SEC61A1: variants seen among roughly 807,000 people sequenced by gnomAD.
SEC61A1 encodes the protein protein transport protein Sec61 subunit alpha isoform 1.
Under a neutral mutation model 55.2 loss-of-function variants are expected in SEC61A1, and 15 were observed. The observed-to-expected ratio is 0.27, with a 90% confidence interval of 0.18 to 0.42. SEC61A1 has a LOEUF of 0.42. SEC61A1 is among the 10% of genes least tolerant of loss of function. The pLI, the probability that SEC61A1 is intolerant of heterozygous loss-of-function variation, is 1.00. For missense variants in SEC61A1, 284 were observed against 602.6 expected (o/e 0.47, Z 5.53); for synonymous variants, 247 against 234.0 (o/e 1.06, Z -0.51).
At chr3:128,062,108 C>G (rs775922461) in intron 7 of SEC61A1, among the ~76,000 whole-genome samples, 1 of 152,186 alleles carries the variant, frequency 6.6e-6, no homozygotes, top group Non-Finnish European at 1.5e-5. Context: ...GAGGCACTTT[C>G]AAGGTGGGGG....
upstream of SEC61A1, chr3:128,051,802 C>T: frequency 1.3e-6 from 2 of 1,533,308 alleles, no homozygotes; most frequent in Non-Finnish European, 1.7e-6. Flanking sequence ...GGCCCTTCTC[C>T]GGCCAAGTCT....
At position 128,067,696 on chromosome 3, in the gene SEC61A1, A is replaced by C; in HGVS notation, c.1167+84A>C. On this transcript the variant is annotated intron_variant, in intron 10 of 11. Transcript: ENST00000243253. The surrounding 1 kb of genome is among the most constrained non-coding windows in gnomAD (Gnocchi z 4.1). ...TGGACTTGTCACCTCATCATAAATAATGGTCTGTGACGTGTGCAGATAGAT... is the reference window on the plus strand; with the variant it reads ...TGGACTTGTCACCTCATCATAAATACTGGTCTGTGACGTGTGCAGATAGAT... 1 of 1,133,292 alleles carries C rather than the reference A, an allele frequency of 8.8e-7. No homozygotes were observed. Among genetic ancestry groups the C allele is most frequent in the Non-Finnish European group, 1.3e-6 (1 of 783,378 alleles). The allele number at this position is 1,133,292 out of a possible 1,614,324, so 70.2% of individuals were successfully genotyped here.
chr3:128,061,430 C>T (rs1941850029), intron 7 of SEC61A1, among the ~76,000 whole-genome samples: 1 of 152,172 alleles, frequency 6.6e-6, no homozygotes, highest in Non-Finnish European at 1.5e-5. Flanking sequence ...CATTTTTTGG[C>T]ACTAAATATC....
chr3:128,060,416 A>G, intron 6 of SEC61A1, 92 bp from the exon 7 acceptor site: 1 of 1,372,082 alleles, frequency 7.3e-7, no homozygotes, highest in South Asian at 1.3e-5. Flanking sequence ...TTCCGTCTTC[A>G]GCGTTTATAT....
Position 128,069,506 on chromosome 3 carries a change from G to T in SEC61A1, c.1275G>T (p.Gly425=), listed in dbSNP as rs1478381898. ...RYIPTAAAFG[G]LCIGALSVLA... ...TCCCCACAGCCGCGGCCTTTGGTGG[G>T]CTGTGCATCGGGGCCCTCTCGGTCC... Residue 425 remains glycine (G), a synonymous_variant, in exon 12 of 12, where the codon GGG becomes GGT. Coordinates refer to ENST00000243253, the MANE Select transcript of SEC61A1 (RefSeq NM_013336.4). 2 of 1,613,268 alleles carry T rather than the reference G, an allele frequency of 1.2e-6. No homozygotes were observed. The highest frequency in any genetic ancestry group is 2.2e-5 in the South Asian group (2 of 91,080).
rs1347140802 is a variant in SEC61A1, at chr3:128,065,935, G to A, written c.777+898G>A. Among the ~76,000 whole-genome samples, 3 of 151,592 alleles carry A rather than the reference G, an allele frequency of 2.0e-5. No individual in the cohort carries two copies. In the South Asian group the frequency reaches 6.2e-4, roughly 32 times the overall value. ...TTTTTTTTATTTTTAGTATAGACAG[G>A]GTTTCACCGTGTTAGCCAGGATGGT... On this transcript the variant is annotated intron_variant, in intron 8 of 11. Coordinates refer to ENST00000243253, the MANE Select transcript of SEC61A1 (RefSeq NM_013336.4).
At chr3:128,053,249 G>A (rs1941717229) in intron 2 of SEC61A1, among the ~76,000 whole-genome samples, 1 of 152,140 alleles carries the variant, frequency 6.6e-6, no homozygotes, top group South Asian at 2.1e-4. Context: ...CCTCCAACGG[G>A]AGCAGATCAC....
Position 128,067,837 on chromosome 3 carries a change from A to T in SEC61A1, c.1168-146A>T. The T allele has an allele frequency of 1.4e-6, 1 of 740,460 alleles. No individual in the cohort carries two copies. The highest frequency in any genetic ancestry group is 2.2e-5 in the Admixed American group (1 of 44,782). 45.9% of individuals were successfully genotyped at this position (740,460 alleles called of 1,614,324 possible). ...ACACTGTAAAGTTAGACTTTTTCAT[A>T]TGACTTCCTTGCGGCAGTTTTAAAG... On this transcript the variant is annotated intron_variant, in intron 10 of 11. Transcript: ENST00000243253. This position sits in a 1 kb window ranked among gnomAD's most constrained non-coding sequence, Gnocchi z 4.1.
rs769495174 is a variant in SEC61A1 at position 128,068,084 on chromosome 3, A to G, written c.1244+25A>G. The G allele has an allele frequency of 9.4e-6, 15 of 1,590,390 alleles. No homozygotes were observed. The South Asian group carries it at 1.4e-4, about 15-fold the overall frequency. On this transcript the variant is annotated intron_variant, in intron 11 of 11. Transcript: ENST00000243253. ...GGTGAGTGGTGGCCCCAGGTCCCCA[A>G]CCTCCCGTCTGTGGACATGTGTTGT...
chr3:128,069,820 T>C lies in SEC61A1; in HGVS notation c.*158T>C. On this transcript the variant is annotated 3_prime_UTR_variant, in exon 12 of 12. Coordinates refer to ENST00000243253, the MANE Select transcript of SEC61A1 (RefSeq NM_013336.4). ...GTGTAAAGTGCTAGACATTTTCCAA[T>C]TTAAAATTTTGCTTTTTATCCTGGC... The C allele has an allele frequency of 1.4e-6, 1 of 721,982 alleles. No individual in the cohort carries two copies. Among genetic ancestry groups the C allele is most frequent in the African/African-American group, 1.8e-5 (1 of 55,898 alleles). The allele number at this position is 721,982 out of a possible 1,614,324, so 44.7% of individuals were successfully genotyped here.
intron 1 of SEC61A1, 134 bp from the exon 2 acceptor site, chr3:128,052,701 C>G (rs1271485459): frequency 6.7e-7 from 1 of 1,502,426 alleles, no homozygotes; most frequent in East Asian, 2.4e-5. Context: ...TCTCGAGTAT[C>G]CCCACGCGTC....
Position 128,067,199 on chromosome 3 carries a change from T to C in SEC61A1, c.975+48T>C. On this transcript the variant is annotated intron_variant, in intron 9 of 11. Transcript: ENST00000243253. The surrounding 1 kb of genome is among the most constrained non-coding windows in gnomAD (Gnocchi z 4.1). The stretch of plus-strand genomic sequence containing the variant: ...AGCTAGCAATGCAGCTAAGTTGCAG[T>C]GGTTTCTATCAGTGTCTTGCTCATG... 2 of 1,550,958 alleles carry C rather than the reference T, an allele frequency of 1.3e-6. No homozygotes were observed. Among genetic ancestry groups the C allele is most frequent in the Non-Finnish European group, 1.8e-6 (2 of 1,122,794 alleles).
At chr3:128,054,139 T>TTG (rs1423908353) in intron 2 of SEC61A1, among the ~76,000 whole-genome samples, 2 of 151,452 alleles carry the variant, frequency 1.3e-5, no homozygotes, top group Non-Finnish European at 2.9e-5. Flanking sequence ...AGGACTAGAG[T>TTG]TGGTTTAGAG....
intron 7 of SEC61A1, among the ~76,000 whole-genome samples, chr3:128,064,435 G>C (rs1440812341): frequency 1.3e-5 from 2 of 152,164 alleles, no homozygotes; most frequent in African/African-American, 4.8e-5. Context: ...GAGGTCAGGA[G>C]TTCGAGACCA....
intron 6 of SEC61A1, 137 bp downstream of exon 6, chr3:128,060,348 T>C: frequency 9.6e-7 from 1 of 1,045,718 alleles, no homozygotes; most frequent in Non-Finnish European, 1.4e-6. Context: ...GTTAGCCCTC[T>C]GAATTCAGCA....
chr3:128,057,431 C>T (rs1941788516), intron 5 of SEC61A1, among the ~76,000 whole-genome samples: 1 of 152,174 alleles, frequency 6.6e-6, no homozygotes, highest in African/African-American at 2.4e-5. Flanking sequence ...GCTTGGAGGT[C>T]TTAGCACCCT....
chr3:128,063,495 C>T (rs910593243), intron 7 of SEC61A1, among the ~76,000 whole-genome samples: 3 of 152,182 alleles, frequency 2.0e-5, no homozygotes, highest in Admixed American at 6.5e-5. Context: ...CCACCATGTT[C>T]GGCTAATTTT....
chr3:128,052,435 C>G (rs1414415978), upstream of SEC61A1: 9 of 1,408,120 alleles, frequency 6.4e-6, no homozygotes, highest in Admixed American at 9.2e-5. Flanking sequence ...CGGGCTAGCA[C>G]TGACGTGTCT....
rs1258270785 is a variant in SEC61A1, at chr3:128,070,539, AACTG to A, written c.*881_*884del. The A allele has an allele frequency of 1.3e-5, 2 of 152,186 alleles. No individual in the cohort carries two copies. The highest frequency in any genetic ancestry group is 2.9e-5 in the Non-Finnish European group (2 of 68,044). 9.4% of individuals were successfully genotyped at this position (152,186 alleles called of 1,614,324 possible). A position where few individuals can be genotyped will look rare whatever the true frequency, so the allele number is the denominator to read the frequency against. ...GTGGTAGCTATCAGACATGGACAGA[AACTG>A]ACTTAGTGCTCACAAGCCCCTACAC... On this transcript the variant is annotated 3_prime_UTR_variant, in exon 12 of 12. Coordinates refer to ENST00000243253, the MANE Select transcript of SEC61A1 (RefSeq NM_013336.4).
Sources: allele counts gnomAD v4.1 joint callset (sites outside exome capture counted in the v4.1 genomes callset), GRCh38; gene constraint gnomAD v4.1.1; non-coding constraint Gnocchi (gnomAD v3.1); transcripts MANE v1.5; gene names NCBI Gene and HGNC (gene_info 2026-07-23, HGNC 2026-07-21).